Variants in KDM4C observed in about 807,000 individuals in gnomAD.
The protein encoded by KDM4C is lysine-specific demethylase 4C.
Under a neutral mutation model 129.3 loss-of-function variants are expected in KDM4C, and 81 were observed. The observed-to-expected ratio is 0.63, with a 90% CI of 0.52 to 0.75. The LOEUF (loss-of-function observed/expected upper bound fraction) is 0.75, where lower values mean the gene tolerates loss of function less well. KDM4C is among the 30% of genes least tolerant of loss of function. The pLI is 0.00. For missense variants in KDM4C, 1,457 were observed against 1,304.0 expected (o/e 1.12, Z -1.81); for synonymous variants, 573 against 456.1 (o/e 1.26, Z -3.26).
chr9:6,815,452 A>G lies in KDM4C; in HGVS notation c.435+707A>G, dbSNP rs1831908199. Among the ~76,000 whole-genome samples the G allele has an allele frequency of 1.3e-5, 2 of 152,084 alleles. 1 individual carries two copies. Among genetic ancestry groups the G allele is most frequent in the East Asian group, 3.9e-4 (2 of 5,190 alleles). On this transcript the variant is annotated intron_variant, in intron 4 of 21. Transcript: ENST00000381309. ...CTGGTCTTGAACTCCTGAGCTCAAG[A>G]GATCTAACTGCCTCGGCCTCCTAAA... is the stretch of plus-strand genomic sequence containing the variant.
chr9:6,919,372 G>C (rs67866005), intron 8 of KDM4C, among the ~76,000 whole-genome samples: 36,877 of 148,654 alleles, frequency 0.25, 5,163 homozygotes, highest in South Asian at 0.39. Context: ...ATTATGTAAG[G>C]TGTCTGTTTA....
At chr9:7,066,426 C>T (rs1322809394) in intron 17 of KDM4C, among the ~76,000 whole-genome samples, 1 of 152,164 alleles carries the variant, frequency 6.6e-6, no homozygotes, top group African/African-American at 2.4e-5. Flanking sequence ...TCAGGTATTT[C>T]TTTACAGAGA....
intron 6 of KDM4C, among the ~76,000 whole-genome samples, chr9:6,883,863 G>A (rs997214460): frequency 6.6e-6 from 1 of 151,972 alleles, no homozygotes; most frequent in Non-Finnish European, 1.5e-5. Context: ...GATTATCCAT[G>A]GATATTTCAA....
intron 1 of KDM4C, among the ~76,000 whole-genome samples, chr9:6,767,825 C>G (rs940594574): frequency 1.3e-5 from 2 of 152,070 alleles, no homozygotes; most frequent in African/African-American, 4.8e-5. Context: ...AAAGTGATAC[C>G]TCTCAGTCTA....
At chr9:7,031,134 A>G (rs7852678) in intron 15 of KDM4C, among the ~76,000 whole-genome samples, 7,630 of 71,786 alleles carry the variant, frequency 0.11, 272 homozygotes, top group African/African-American at 0.21. Context: ...TTACTTGTTT[A>G]TTTATTTATT....
chr9:6,844,896 C>T (rs1343353392), intron 4 of KDM4C, among the ~76,000 whole-genome samples: 1 of 152,152 alleles, frequency 6.6e-6, no homozygotes, highest in Non-Finnish European at 1.5e-5. Flanking sequence ...CCATGTTGGT[C>T]AGCCTGGTCT....
intron 17 of KDM4C, among the ~76,000 whole-genome samples, chr9:7,074,780 G>T (rs553908516): frequency 6.6e-5 from 10 of 152,050 alleles, no homozygotes; most frequent in African/African-American, 1.9e-4. Flanking sequence ...GCTGTATAGG[G>T]TATCACTAAG....
chr9:6,838,545 A>G (rs10733530), intron 4 of KDM4C, among the ~76,000 whole-genome samples: 1 of 151,738 alleles, frequency 6.6e-6, no homozygotes, highest in Admixed American at 6.6e-5. Flanking sequence ...CGTTTTCCCC[A>G]TTTTTTCTCT....
intron 17 of KDM4C, among the ~76,000 whole-genome samples, chr9:7,064,284 T>G (rs1252505997): frequency 1.3e-5 from 2 of 152,202 alleles, no homozygotes; most frequent in Non-Finnish European, 2.9e-5. Flanking sequence ...ATATTGTCAA[T>G]ATGATATTTT....
At chr9:6,928,186 A>C (rs1292152738) in intron 8 of KDM4C, among the ~76,000 whole-genome samples, 3 of 152,070 alleles carry the variant, frequency 2.0e-5, no homozygotes, top group Non-Finnish European at 4.4e-5. Flanking sequence ...CATCCTTGCA[A>C]CACATTCTTC....
At chr9:6,845,326 C>T (rs538377994) in intron 4 of KDM4C, among the ~76,000 whole-genome samples, 220 of 152,262 alleles carry the variant, frequency 1.4e-3, no homozygotes, top group African/African-American at 5.1e-3. Flanking sequence ...TTGATCCTCC[C>T]ATCTCAGCCT....
chr9:7,033,435 G>C (rs1183904028), intron 15 of KDM4C, among the ~76,000 whole-genome samples: 2 of 152,204 alleles, frequency 1.3e-5, no homozygotes, highest in Non-Finnish European at 2.9e-5. Flanking sequence ...TGAGGTGGCA[G>C]ATTATTCTGA....
At chr9:6,834,973 C>T (rs1564122219) in intron 4 of KDM4C, 1 of 989,468 alleles carries the variant, frequency 1.0e-6, no homozygotes, top group South Asian at 1.3e-5. Context: ...CCCTCCCCCA[C>T]ACCATCCTGC....
At chr9:6,962,418 T>G (rs1830187878) in intron 8 of KDM4C, among the ~76,000 whole-genome samples, 1 of 152,210 alleles carries the variant, frequency 6.6e-6, no homozygotes, top group African/African-American at 2.4e-5. Flanking sequence ...GAGTTAAGGA[T>G]AATTGCAATT....
intron 8 of KDM4C, among the ~76,000 whole-genome samples, chr9:6,944,990 T>G (rs1280823005): frequency 6.6e-6 from 1 of 152,190 alleles, no homozygotes; most frequent in Non-Finnish European, 1.5e-5. Context: ...TGCATGTGTT[T>G]CAATGATTAT....
intron 17 of KDM4C, among the ~76,000 whole-genome samples, chr9:7,101,581 G>A (rs568787230): frequency 1.3e-5 from 2 of 152,304 alleles, no homozygotes; most frequent in Non-Finnish European, 2.9e-5. Flanking sequence ...GTCCTTAGAA[G>A]TCCCCACTTC....
chr9:6,835,932 G>A (rs932647206), intron 4 of KDM4C, among the ~76,000 whole-genome samples: 2 of 152,184 alleles, frequency 1.3e-5, no homozygotes, highest in African/African-American at 2.4e-5. Context: ...CCTCCTCCGA[G>A]TCCACATAGG....
intron 15 of KDM4C, 92 bp from the exon 16 acceptor site, chr9:7,046,769 GA>G: frequency 2.2e-6 from 2 of 900,212 alleles, no homozygotes; most frequent in Non-Finnish European, 3.7e-6. Context: ...ATTTTAGAAT[GA>G]AAAATCAGGA....
At chr9:7,122,878 C>G (rs1437609878) in intron 18 of KDM4C, among the ~76,000 whole-genome samples, 1 of 152,162 alleles carries the variant, frequency 6.6e-6, no homozygotes, top group Non-Finnish European at 1.5e-5. Context: ...ATAGCCATTT[C>G]TTTAATCTGA....
Sources: allele counts gnomAD v4.1 joint callset (sites outside exome capture counted in the v4.1 genomes callset), GRCh38; gene constraint gnomAD v4.1.1; transcripts MANE v1.5; gene names NCBI Gene and HGNC (gene_info 2026-07-23, HGNC 2026-07-21).